Variants in ARHGAP5 observed in about 807,000 individuals in gnomAD.
ARHGAP5 encodes the protein rho GTPase-activating protein 5.
Under a neutral mutation model 116.6 loss-of-function variants are expected in ARHGAP5, and 23 were observed. The observed-to-expected ratio is 0.20, with a 90% CI of 0.14 to 0.28. ARHGAP5 has a LOEUF of 0.28. ARHGAP5 is among the 10% of genes least tolerant of loss of function. The pLI is 1.00. For missense variants in ARHGAP5, 1,405 were observed against 1,774.8 expected (o/e 0.79, Z 3.74); for synonymous variants, 574 against 602.0 (o/e 0.95, Z 0.68).
At chr14:32,126,592 A>G (rs1165785193) in intron 3 of ARHGAP5, among the ~76,000 whole-genome samples, 1 of 152,180 alleles carries the variant, frequency 6.6e-6, no homozygotes, top group East Asian at 1.9e-4. Flanking sequence ...ATTGGGGGTT[A>G]AGACTTCAAC....
chr14:32,134,540 T>TG lies in ARHGAP5; in HGVS notation c.3866-11722dup, dbSNP rs1427764675. Among the ~76,000 whole-genome samples the TG allele has an allele frequency of 6.0e-4, 92 of 152,264 alleles. 1 individual carries two copies. Among genetic ancestry groups the TG allele is most frequent in the Non-Finnish European group, 1.6e-4 (11 of 68,030 alleles). The stretch of plus-strand genomic sequence containing the variant: ...AGCTTAAGTGAAGCCCCATTAGTAA[T>TG]GCATCATTAAAAACAGCATGAACAC... On this transcript the variant is annotated intron_variant, in intron 3 of 6. Coordinates refer to ENST00000345122, the MANE Select transcript of ARHGAP5 (RefSeq NM_001030055.2).
intron 3 of ARHGAP5, among the ~76,000 whole-genome samples, chr14:32,123,307 C>G (rs1299748044): frequency 6.6e-6 from 1 of 151,860 alleles, no homozygotes; most frequent in Admixed American, 6.6e-5. Flanking sequence ...TTTATCTCTT[C>G]TTCCATTTCC....
intron 3 of ARHGAP5, among the ~76,000 whole-genome samples, chr14:32,119,070 GAATAA>G (rs1437886277): frequency 6.6e-6 from 1 of 152,014 alleles, no homozygotes; most frequent in Non-Finnish European, 1.5e-5. Flanking sequence ...CTGTAGAATA[GAATAA>G]AAGATTAAAC....
At chr14:32,080,700 CA>C (rs1403526070) in intron 1 of ARHGAP5, among the ~76,000 whole-genome samples, 2 of 152,074 alleles carry the variant, frequency 1.3e-5, no homozygotes, top group Non-Finnish European at 2.9e-5. Context: ...CTCTGGGAAT[CA>C]TTCATAGAAG....
At chr14:32,090,380 C>T (rs1566658833) in intron 1 of ARHGAP5, 122 bp from the exon 2 acceptor site, 3 of 415,590 alleles carry the variant, frequency 7.2e-6, no homozygotes, top group Non-Finnish European at 1.3e-5. Flanking sequence ...TATGTAGTTA[C>T]CTCTTAAAAT....
At chr14:32,128,627 G>A (rs557241940) in intron 3 of ARHGAP5, among the ~76,000 whole-genome samples, 80 of 152,302 alleles carry the variant, frequency 5.3e-4, no homozygotes, top group Middle Eastern at 3.4e-3. Context: ...GCGCCTGGCC[G>A]CCCGGCAGGC....
intron 3 of ARHGAP5, among the ~76,000 whole-genome samples, chr14:32,118,386 A>G (rs1879712097): frequency 6.6e-6 from 1 of 152,032 alleles, no homozygotes; most frequent in African/African-American, 2.4e-5. Context: ...AGTCCCAGCT[A>G]CTTGGGAGGC....
chr14:32,127,111 C>T (rs1193453931), intron 3 of ARHGAP5, among the ~76,000 whole-genome samples: 1 of 151,402 alleles, frequency 6.6e-6, no homozygotes, highest in Non-Finnish European at 1.5e-5. Context: ...GATTCTCCTG[C>T]CTCAGCCTCC....
intron 3 of ARHGAP5, among the ~76,000 whole-genome samples, chr14:32,118,058 A>G (rs151315196): frequency 1.2e-4 from 18 of 152,336 alleles, no homozygotes; most frequent in Middle Eastern, 3.4e-3. Flanking sequence ...ATAGATAAGC[A>G]TTGTTTAAAA....
chr14:32,094,402 G>A lies in ARHGAP5; in HGVS notation c.3717+16G>A. On this transcript the variant is annotated intron_variant, in intron 2 of 6. Coordinates refer to ENST00000345122, the MANE Select transcript of ARHGAP5 (RefSeq NM_001030055.2). Reference sequence around the variant, plus strand: ...AGATAAAAAGGTAAGGTTAACTTAAGGTCAGTGATGTTTATAAAAATGCTT... The same window carrying A: ...AGATAAAAAGGTAAGGTTAACTTAAAGTCAGTGATGTTTATAAAAATGCTT... 2 of 1,519,284 alleles carry A rather than the reference G, an allele frequency of 1.3e-6. No homozygotes were observed. Among genetic ancestry groups the A allele is most frequent in the Non-Finnish European group, 1.8e-6 (2 of 1,133,582 alleles). The allele number at this position is 1,519,284 out of a possible 1,614,324, so 94.1% of individuals were successfully genotyped here. A position where few individuals can be genotyped will look rare whatever the true frequency, so the allele number is the denominator to read the frequency against.
Position 32,092,943 on chromosome 14 carries a change from A to G in ARHGAP5, c.2274A>G (p.Lys758=). Residue 758 remains lysine (K), a synonymous_variant, in exon 2 of 7, where the codon AAA becomes AAG. Transcript: ENST00000345122. This position sits in a 1 kb window ranked among gnomAD's most constrained non-coding sequence, Gnocchi z 4.1. ...TCAGAGGAGTATTGGAATCAGTTAA[A>G]CACAATTTGGATGTGGTGAGCCCAA... is the stretch of plus-strand genomic sequence containing the variant. ...QALRGVLESV[K]HNLDVVSPIP... 3 of 1,614,036 alleles carry G rather than the reference A, an allele frequency of 1.9e-6. No individual in the cohort carries two copies. Among genetic ancestry groups the G allele is most frequent in the East Asian group, 2.2e-5 (1 of 44,880 alleles).
In ARHGAP5 at chr14:32,159,035, CAT is replaced by C. The variant is rs1232120193; in HGVS notation, c.*4090_*4091del. On this transcript the variant is annotated 3_prime_UTR_variant, in exon 7 of 7. Transcript: ENST00000345122. ...AGGAGTGGGAAGAGTCACAGAATCT[CAT>C]ATTCACATCTTAATTAAATTGTGTG... 2.6e-5 allele frequency: 4 copies of C among 152,100 alleles called. No homozygotes were observed. The highest frequency in any genetic ancestry group is 9.7e-5 in the African/African-American group (4 of 41,438). 9.4% of individuals were successfully genotyped at this position (152,100 alleles called of 1,614,324 possible).
intron 1 of ARHGAP5, among the ~76,000 whole-genome samples, chr14:32,090,148 G>A (rs866778628): frequency 6.6e-6 from 1 of 152,006 alleles, no homozygotes; most frequent in African/African-American, 2.4e-5. Flanking sequence ...GTTATCACCA[G>A]CATCGCCTCC....
intron 3 of ARHGAP5, among the ~76,000 whole-genome samples, chr14:32,124,152 C>T (rs988730711): frequency 3.3e-5 from 5 of 152,152 alleles, no homozygotes; most frequent in Admixed American, 6.6e-5. Context: ...TCACTAACTA[C>T]CACCTCAAAA....
At chr14:32,095,084 C>T (rs1441360523) in intron 2 of ARHGAP5, among the ~76,000 whole-genome samples, 1 of 152,196 alleles carries the variant, frequency 6.6e-6, no homozygotes, top group Non-Finnish European at 1.5e-5. Context: ...CACTTAATTG[C>T]ACACAAACTT....
At chr14:32,148,212 A>ATCTATCTG (rs1555359596) in intron 4 of ARHGAP5, among the ~76,000 whole-genome samples, 2 of 144,660 alleles carry the variant, frequency 1.4e-5, no homozygotes, top group Non-Finnish European at 3.0e-5. Context: ...CTATCTATCT[A>ATCTATCTG]TGTATATCTA....
At chr14:32,097,000 A>G (rs985212277) in intron 2 of ARHGAP5, among the ~76,000 whole-genome samples, 2 of 152,206 alleles carry the variant, frequency 1.3e-5, no homozygotes, top group Non-Finnish European at 2.9e-5. Context: ...GCCTATTCTC[A>G]TTGATGGCAA....
At position 32,146,267 on chromosome 14, in the gene ARHGAP5, A is replaced by G. The variant is rs528304721; in HGVS notation, c.3870A>G (p.Leu1290=). Residue 1290 remains leucine, a synonymous_variant, in exon 4 of 7, where the codon TTA becomes TTG. Coordinates refer to ENST00000345122, the MANE Select transcript of ARHGAP5 (RefSeq NM_001030055.2). ...KCVEFIEDTG[L]CTEGLYRVSG... The stretch of plus-strand genomic sequence containing the variant: ...CATATTTCTTTATTCTCTTAGGGTT[A>G]TGTACCGAAGGACTCTACCGTGTCA... 1.2e-6 allele frequency: 2 copies of G among 1,609,106 alleles called. No individual in the cohort carries two copies. Among genetic ancestry groups the G allele is most frequent in the African/African-American group, 2.7e-5 (2 of 74,938 alleles).
chr14:32,104,529 T>TA (rs1336950017), intron 2 of ARHGAP5, among the ~76,000 whole-genome samples: 1 of 152,222 alleles, frequency 6.6e-6, no homozygotes, highest in African/African-American at 2.4e-5. Flanking sequence ...AGCCAGCACT[T>TA]ACGGCTTTTA....
Sources: gnomAD v4.1 joint callset for allele counts (sites outside exome capture counted in the v4.1 genomes callset) on GRCh38, gnomAD v4.1.1 for gene constraint, Gnocchi (gnomAD v3.1) non-coding constraint, MANE v1.5 for transcripts, NCBI Gene and HGNC (gene_info 2026-07-23, HGNC 2026-07-21) for gene names.